CDH13: variants seen among roughly 807,000 people sequenced by gnomAD.
CDH13 encodes cadherin 13.
A neutral mutation model predicts 63.8 loss-of-function variants in CDH13; 24 were observed. The ratio of observed to expected loss-of-function variants is 0.38; its 90% CI spans 0.27 to 0.53. The LOEUF is 0.53. Among genes scored for constraint, CDH13 ranks in the 20% least tolerant of loss-of-function variants. The pLI, the probability that CDH13 is intolerant of heterozygous loss-of-function variation, is 0.85. For missense variants in CDH13, 1,049 were observed against 903.1 expected, an observed-to-expected ratio of 1.16 and a Z score of -2.07; for synonymous variants, 503 against 355.3, an observed-to-expected ratio of 1.42 and a Z score of -4.67.
chr16:83,518,833 T>C (rs2074762075), intron 7 of CDH13, among the ~76,000 whole-genome samples: 1 of 152,202 alleles, frequency 6.6e-6, no homozygotes. Context: ...TGCTGCCATG[T>C]GAAGAAGGAT....
intron 10 of CDH13, among the ~76,000 whole-genome samples, chr16:83,743,688 C>G (rs1391972133): frequency 6.6e-6 from 1 of 150,838 alleles, no homozygotes; most frequent in South Asian, 2.1e-4. Context: ...TGAACCACTA[C>G]CAATCACTCC....
At chr16:83,064,412 A>C (rs780288692) in intron 3 of CDH13, among the ~76,000 whole-genome samples, 19 of 152,200 alleles carry the variant, frequency 1.2e-4, no homozygotes, top group Non-Finnish European at 2.6e-4. Context: ...ATTTAGGAAC[A>C]GATTTTTTAG....
intron 2 of CDH13, among the ~76,000 whole-genome samples, chr16:82,909,845 G>A (rs2041772931): frequency 6.6e-6 from 1 of 152,170 alleles, no homozygotes; most frequent in African/African-American, 2.4e-5. Flanking sequence ...ATGTATAGAT[G>A]AGAAAACAGG....
rs527987032 is a variant in CDH13 at position 83,475,949 on chromosome 16, C to T, written c.782-10528C>T. Among the ~76,000 whole-genome samples, 9 of 152,172 alleles carry T rather than the reference C, an allele frequency of 5.9e-5. No homozygotes were observed. In the East Asian group the frequency reaches 1.7e-3, roughly 29 times the overall value. On this transcript the variant is annotated intron_variant, in intron 6 of 13. Coordinates refer to ENST00000567109, the MANE Select transcript of CDH13 (RefSeq NM_001257.5). ...GCCCTTAAATAGATATAAATGATAG[C>T]GACAATAAGCCCATTGTTCAGAATT...
intron 5 of CDH13, among the ~76,000 whole-genome samples, chr16:83,324,994 G>A (rs1463518699): frequency 1.3e-5 from 2 of 152,104 alleles, no homozygotes; most frequent in Non-Finnish European, 2.9e-5. Context: ...TGGATTTTGT[G>A]CAGTTTTTCA....
intron 2 of CDH13, among the ~76,000 whole-genome samples, chr16:83,007,366 T>C (rs1158571639): frequency 6.6e-6 from 1 of 152,222 alleles, no homozygotes; most frequent in Non-Finnish European, 1.5e-5. Context: ...TGAAACCCAT[T>C]TCACACGTGA....
At chr16:83,322,110 A>G (rs1156981575) in intron 5 of CDH13, among the ~76,000 whole-genome samples, 1 of 152,206 alleles carries the variant, frequency 6.6e-6, no homozygotes, top group Non-Finnish European at 1.5e-5. Flanking sequence ...GGCTGTTACT[A>G]GGAAGCCCAG....
chr16:83,266,394 A>G (rs1484359200), intron 5 of CDH13, among the ~76,000 whole-genome samples: 1 of 152,214 alleles, frequency 6.6e-6, no homozygotes, highest in Non-Finnish European at 1.5e-5. Context: ...TACCCTAAGA[A>G]GGGGGAAATG....
chr16:83,761,900 C>G (rs1914001295), intron 11 of CDH13, among the ~76,000 whole-genome samples: 1 of 152,040 alleles, frequency 6.6e-6, no homozygotes, highest in Non-Finnish European at 1.5e-5. Flanking sequence ...AACCCCTTCT[C>G]TACTAAAAAT....
chr16:82,799,410 G>C (rs369705587), intron 1 of CDH13, among the ~76,000 whole-genome samples: 2 of 152,128 alleles, frequency 1.3e-5, no homozygotes, highest in Admixed American at 6.6e-5. Context: ...CCGTAAGATG[G>C]GCTTTTAACC....
intron 7 of CDH13, among the ~76,000 whole-genome samples, chr16:83,495,884 A>G (rs1378916698): frequency 6.6e-6 from 1 of 152,138 alleles, no homozygotes; most frequent in Non-Finnish European, 1.5e-5. Context: ...CAGAGAGCCA[A>G]ATCATGAGTG....
intron 1 of CDH13, among the ~76,000 whole-genome samples, chr16:82,665,257 T>C (rs77847658): frequency 0.026 from 3,952 of 152,264 alleles, 186 homozygotes; most frequent in African/African-American, 0.091. Context: ...CTCTAGTGTC[T>C]CTAAGTGCAA....
chr16:82,923,726 G>A (rs1277479335), intron 2 of CDH13, among the ~76,000 whole-genome samples: 2 of 152,170 alleles, frequency 1.3e-5, no homozygotes, highest in African/African-American at 4.8e-5. Context: ...CAGTGAAGCG[G>A]CTCTTAAATA....
At chr16:83,647,074 G>A (rs1478783266) in intron 8 of CDH13, among the ~76,000 whole-genome samples, 2 of 152,076 alleles carry the variant, frequency 1.3e-5, no homozygotes, top group African/African-American at 4.8e-5. Context: ...ACTTTGGGAG[G>A]CCGAGGAGGG....
chr16:83,199,078 A>T (rs1223382810), intron 4 of CDH13, among the ~76,000 whole-genome samples: 2 of 152,218 alleles, frequency 1.3e-5, no homozygotes, highest in African/African-American at 2.4e-5. Context: ...GGCAGCTTAC[A>T]AATGGGCCCG....
chr16:82,681,513 A>G (rs1482298039), intron 1 of CDH13, among the ~76,000 whole-genome samples: 2 of 152,244 alleles, frequency 1.3e-5, no homozygotes, highest in African/African-American at 4.8e-5. Context: ...TAAATAAGCA[A>G]ATACATAAAT....
intron 5 of CDH13, among the ~76,000 whole-genome samples, chr16:83,248,845 G>A (rs1157412526): frequency 3.3e-5 from 5 of 152,134 alleles, no homozygotes; most frequent in Non-Finnish European, 7.4e-5. Context: ...CTGGAATTTA[G>A]TGTAGGCAAT....
At chr16:83,543,726 G>A (rs1307698981) in intron 7 of CDH13, among the ~76,000 whole-genome samples, 5 of 152,144 alleles carry the variant, frequency 3.3e-5, no homozygotes, top group African/African-American at 9.7e-5. Context: ...TGGGACCAGC[G>A]GGTATGCTGC....
chr16:82,636,511 T>C (rs1204699531), intron 1 of CDH13, among the ~76,000 whole-genome samples: 6 of 152,306 alleles, frequency 3.9e-5, no homozygotes, highest in Middle Eastern at 3.4e-3. Context: ...GCCAAGCCCT[T>C]TAATCGTTTC....
Sources: gnomAD v4.1 joint callset for allele counts (sites outside exome capture counted in the v4.1 genomes callset) on GRCh38, gnomAD v4.1.1 for gene constraint, MANE v1.5 for transcripts, NCBI Gene and HGNC (gene_info 2026-07-23, HGNC 2026-07-21) for gene names.